The following CDIN1 variants were observed in gnomAD, a reference collection of about 807,000 sequenced individuals.
The protein encoded by CDIN1 is CDAN1-interacting nuclease 1.
Under a neutral mutation model 45.3 loss-of-function variants are expected in CDIN1, and 33 were observed. The ratio of observed to expected loss-of-function variants is 0.73; its 90% CI spans 0.55 to 0.97. The LOEUF (loss-of-function observed/expected upper bound fraction) is 0.97, where lower values mean the gene tolerates loss of function less well. CDIN1 is among the 50% of genes least tolerant of loss of function. CDIN1 has a pLI of 0.00. For missense variants in CDIN1, 303 were observed against 339.4 expected (o/e 0.89, Z 0.84); for synonymous variants, 118 against 124.4 (o/e 0.95, Z 0.34).
intron 10 of CDIN1, among the ~76,000 whole-genome samples, chr15:36,728,284 C>G (rs1376159330): frequency 6.6e-6 from 1 of 152,142 alleles, no homozygotes; most frequent in Non-Finnish European, 1.5e-5. Context: ...TCTCCCACCC[C>G]CCTACCATTC....
intron 10 of CDIN1, among the ~76,000 whole-genome samples, chr15:36,785,961 C>G (rs780844324): frequency 1.3e-5 from 2 of 152,106 alleles, no homozygotes; most frequent in Non-Finnish European, 2.9e-5. Flanking sequence ...TGCCTAAAAC[C>G]TCATTAAATT....
At chr15:36,766,529 A>T (rs948458322) in intron 10 of CDIN1, among the ~76,000 whole-genome samples, 1 of 152,226 alleles carries the variant, frequency 6.6e-6, no homozygotes, top group Admixed American at 6.5e-5. Context: ...CTCCAACAGC[A>T]TACAAAGGTT....
intron 1 of CDIN1, among the ~76,000 whole-genome samples, chr15:36,600,530 A>G (rs2038045110): frequency 6.6e-6 from 1 of 152,230 alleles, no homozygotes; most frequent in Non-Finnish European, 1.5e-5. Context: ...GATCAATCAA[A>G]TAAACTAGTG....
intron 8 of CDIN1, 149 bp from the exon 9 acceptor site, chr15:36,709,074 A>G (rs2042964707): frequency 4.0e-6 from 2 of 500,724 alleles, no homozygotes; most frequent in Admixed American, 4.0e-5. Flanking sequence ...CAGAAAGTTC[A>G]TTATTTCTGA....
intron 1 of CDIN1, among the ~76,000 whole-genome samples, chr15:36,620,268 G>A (rs184947079): frequency 4.4e-4 from 67 of 152,166 alleles, no homozygotes; most frequent in African/African-American, 1.0e-3. Context: ...GGAGAATGGC[G>A]TGACACCGGG....
intron 1 of CDIN1, among the ~76,000 whole-genome samples, chr15:36,592,300 A>G (rs937191111): frequency 2.0e-5 from 3 of 152,154 alleles, no homozygotes; most frequent in Non-Finnish European, 2.9e-5. Flanking sequence ...TCACATTGGT[A>G]GCTTAAAATT....
intron 1 of CDIN1, among the ~76,000 whole-genome samples, chr15:36,605,426 AAGTT>A (rs984422043): frequency 7.2e-5 from 11 of 152,122 alleles, no homozygotes; most frequent in African/African-American, 2.4e-4. Flanking sequence ...GATTATGAAA[AAGTT>A]AGTTCTGTTA....
chr15:36,631,796 A>G (rs1243963077), intron 1 of CDIN1, among the ~76,000 whole-genome samples: 1 of 152,156 alleles, frequency 6.6e-6, no homozygotes, highest in Non-Finnish European at 1.5e-5. Flanking sequence ...GGGTCATATG[A>G]TAACTGTGTT....
At chr15:36,764,913 C>A (rs1477505682) in intron 10 of CDIN1, among the ~76,000 whole-genome samples, 2 of 152,094 alleles carry the variant, frequency 1.3e-5, no homozygotes, top group East Asian at 3.8e-4. Flanking sequence ...GGTTGCCATT[C>A]CAGGGCATGA....
intron 1 of CDIN1, among the ~76,000 whole-genome samples, chr15:36,593,543 T>C (rs2037681237): frequency 6.6e-6 from 1 of 152,152 alleles, no homozygotes; most frequent in Non-Finnish European, 1.5e-5. Context: ...ATTTGAAGAA[T>C]GAAAGTTTTT....
Position 36,680,764 on chromosome 15 carries a change from G to A in CDIN1, c.347-10921G>A, listed in dbSNP as rs551707721. 1.6e-4 allele frequency among the ~76,000 whole-genome samples: 24 copies of A among 152,274 alleles called. No individual in the cohort carries two copies. The East Asian group carries it at 4.6e-3, about 29-fold the overall frequency. ...GCAAGGAAGCTTGCTTGGTGGATGT[G>A]GCCTTGGGTTGTGCAGTATTGAGAG... On this transcript the variant is annotated intron_variant, in intron 5 of 10. Coordinates refer to ENST00000566621, the MANE Select transcript of CDIN1 (RefSeq NM_001321759.2).
At chr15:36,780,453 G>A (rs2054321948) in intron 10 of CDIN1, among the ~76,000 whole-genome samples, 1 of 152,130 alleles carries the variant, frequency 6.6e-6, no homozygotes, top group South Asian at 2.1e-4. Flanking sequence ...AACTCGTATA[G>A]ATAGAATCCT....
At chr15:36,609,252 G>A (rs2038532275) in intron 1 of CDIN1, among the ~76,000 whole-genome samples, 1 of 152,158 alleles carries the variant, frequency 6.6e-6, no homozygotes, top group Admixed American at 6.5e-5. Context: ...CTGTTCTCAA[G>A]GGATCCTCCT....
intron 10 of CDIN1, among the ~76,000 whole-genome samples, chr15:36,745,694 A>G (rs2044396710): frequency 6.6e-6 from 1 of 152,160 alleles, no homozygotes; most frequent in Admixed American, 6.6e-5. Flanking sequence ...GGCCGGGTGC[A>G]GTGGCTCATG....
intron 1 of CDIN1, among the ~76,000 whole-genome samples, chr15:36,633,911 T>A (rs1159024035): frequency 6.6e-6 from 1 of 151,940 alleles, no homozygotes; most frequent in Admixed American, 6.6e-5. Context: ...GCATGCGCCA[T>A]GATGCCCAGA....
intron 1 of CDIN1, among the ~76,000 whole-genome samples, chr15:36,603,780 G>C (rs1017221925): frequency 1.3e-5 from 2 of 152,136 alleles, no homozygotes; most frequent in Non-Finnish European, 2.9e-5. Flanking sequence ...GAGTAAAACA[G>C]AGAACCCTGA....
chr15:36,802,659 G>C (rs534944806), intron 10 of CDIN1, among the ~76,000 whole-genome samples: 2 of 151,968 alleles, frequency 1.3e-5, no homozygotes, highest in Non-Finnish European at 2.9e-5. Context: ...GGAAAGGGGA[G>C]TATTTAGTTT....
chr15:36,654,587 A>AT (rs2040709590), intron 4 of CDIN1, among the ~76,000 whole-genome samples: 2 of 151,594 alleles, frequency 1.3e-5, no homozygotes, highest in South Asian at 4.2e-4. Context: ...TACTTGATTC[A>AT]TTTTTTTGTT....
At chr15:36,706,260 T>C (rs2042860958) in intron 8 of CDIN1, 1 of 152,018 alleles carries the variant, frequency 6.6e-6, no homozygotes, top group African/African-American at 2.4e-5. Flanking sequence ...CAGGCACAGA[T>C]TGGGTTTTGT....
Sources: allele counts gnomAD v4.1 joint callset (sites outside exome capture counted in the v4.1 genomes callset), GRCh38; gene constraint gnomAD v4.1.1; transcripts MANE v1.5; gene names NCBI Gene and HGNC (gene_info 2026-07-23, HGNC 2026-07-21).